The following SNAPC3 variants were observed in gnomAD, a reference collection of about 807,000 sequenced individuals.
SNAPC3 encodes the protein snRNA-activating protein complex subunit 3.
In SNAPC3, 56 loss-of-function variants were observed where a neutral mutation model predicts 47.7. That is an observed-to-expected ratio of 1.18 (90% confidence interval 0.95 to 1.47). The LOEUF (loss-of-function observed/expected upper bound fraction) is 1.47, where lower values mean the gene tolerates loss of function less well. Ranked by LOEUF, SNAPC3 falls within the 40% of genes most tolerant of loss-of-function variation. The pLI is 0.00. For missense variants in SNAPC3, 665 were observed against 511.3 expected (o/e 1.30, Z -2.90); for synonymous variants, 235 against 189.9 (o/e 1.24, Z -1.95).
At chr9:15,457,812 C>T in intron 7 of SNAPC3, 148 bp from the exon 8 acceptor site, 1 of 559,426 alleles carries the variant, frequency 1.8e-6, no homozygotes. Flanking sequence ...TGAAACATGG[C>T]ATAACAAGTA....
At chr9:15,424,573 T>G (rs2031084950) in intron 2 of SNAPC3, among the ~76,000 whole-genome samples, 1 of 152,222 alleles carries the variant, frequency 6.6e-6, no homozygotes, top group Non-Finnish European at 1.5e-5. Context: ...TTTAATTAAA[T>G]TCAATAGACA....
chr9:15,456,882 T>A (rs192694964), intron 7 of SNAPC3, among the ~76,000 whole-genome samples: 2 of 152,352 alleles, frequency 1.3e-5, no homozygotes, highest in East Asian at 3.9e-4. Context: ...TTCATTGCCA[T>A]TCCATAATAC....
chr9:15,461,021 G>A lies in SNAPC3; in HGVS notation c.*1155G>A, dbSNP rs1211436720. On this transcript the variant is annotated 3_prime_UTR_variant, in exon 9 of 9. Coordinates refer to ENST00000380821, the MANE Select transcript of SNAPC3 (RefSeq NM_001039697.2). ...CTTATTCTCCGGTAATGATACTATT[G>A]GATATATACCAAAATTATATAAGCA... The A allele has an allele frequency of 2.6e-5, 4 of 151,536 alleles. No individual in the cohort carries two copies. The East Asian group carries it at 7.7e-4, about 29-fold the overall frequency. The allele number at this position is 151,536 out of a possible 1,614,324, so 9.4% of individuals were successfully genotyped here. A position where few individuals can be genotyped will look rare whatever the true frequency, so the allele number is the denominator to read the frequency against.
chr9:15,430,728 C>T (rs1188707516), intron 2 of SNAPC3, among the ~76,000 whole-genome samples: 1 of 152,006 alleles, frequency 6.6e-6, no homozygotes, highest in African/African-American at 2.4e-5. Context: ...AATATACAGA[C>T]GTAGGAGAGG....
chr9:15,447,872 C>G (rs1213477289), intron 5 of SNAPC3, among the ~76,000 whole-genome samples: 2 of 152,180 alleles, frequency 1.3e-5, no homozygotes, highest in African/African-American at 2.4e-5. Flanking sequence ...CAATGTGTTG[C>G]TCTCAAAAGG....
chr9:15,453,196 C>G lies in SNAPC3; in HGVS notation c.971C>G (p.Thr324Ser). 3 of 1,610,136 alleles carry G rather than the reference C, an allele frequency of 1.9e-6. No individual in the cohort carries two copies. Among genetic ancestry groups the G allele is most frequent in the Non-Finnish European group, 2.5e-6 (3 of 1,177,368 alleles). Reference sequence around the variant, plus strand: ...GACTGTGAACATGTCATTGTCATTACTGACATAAGGTAGGTGACAGCACTT... The same window carrying G: ...GACTGTGAACATGTCATTGTCATTAGTGACATAAGGTAGGTGACAGCACTT... ...QGDCEHVIVI[T>S]DIRLVHHDDC... The change falls in exon 7 of 9, where the codon ACT becomes AGT. Residue 324 changes from threonine to serine, a missense_variant. By Grantham distance (58) the Thr-to-Ser change is moderately conservative. Transcript: ENST00000380821.
chr9:15,451,724 C>T (rs2034401806), intron 6 of SNAPC3, among the ~76,000 whole-genome samples: 4 of 151,950 alleles, frequency 2.6e-5, no homozygotes, highest in Admixed American at 2.0e-4. Flanking sequence ...ATAAATAAAT[C>T]ACCTTAACAT....
At chr9:15,437,564 GA>G (rs2131822822) in intron 3 of SNAPC3, among the ~76,000 whole-genome samples, 1 of 150,606 alleles carries the variant, frequency 6.6e-6, no homozygotes, top group Non-Finnish European at 1.5e-5. Context: ...TTTTTATCAT[GA>G]AAGGGTGTTA....
At chr9:15,439,757 C>G (rs994118646) in intron 3 of SNAPC3, among the ~76,000 whole-genome samples, 3 of 152,176 alleles carry the variant, frequency 2.0e-5, no homozygotes, top group African/African-American at 7.2e-5. Flanking sequence ...TAGTCTGGAA[C>G]TCCTAACCTC....
At chr9:15,452,655 A>G (rs2034479917) in intron 6 of SNAPC3, among the ~76,000 whole-genome samples, 5 of 152,244 alleles carry the variant, frequency 3.3e-5, no homozygotes, top group Admixed American at 3.3e-4. Flanking sequence ...GAAGACCCCA[A>G]TGAGCTACTG....
rs1490698707 is a variant in SNAPC3, at chr9:15,423,165, G to C, written c.286G>C (p.Ala96Pro). 6.3e-7 allele frequency: 1 copy of C among 1,574,814 alleles called. No individual in the cohort carries two copies. Among genetic ancestry groups the C allele is most frequent in the Non-Finnish European group, 8.5e-7 (1 of 1,169,818 alleles). Reference sequence around the variant, plus strand: ...CAGGGATCTGGACTGCAGCCTGGAGGCGGCGGCTGAGCTGAGGGCGGTGTG... The same window carrying C: ...CAGGGATCTGGACTGCAGCCTGGAGCCGGCGGCTGAGCTGAGGGCGGTGTG... The part of the protein sequence containing the change: ...VARDLDCSLE[A>P]AAELRAVCGL... Residue 96 changes from alanine (A) to proline (P), a missense_variant, in exon 1 of 9, where the codon GCG becomes CCG. Coordinates refer to ENST00000380821, the MANE Select transcript of SNAPC3 (RefSeq NM_001039697.2).
At position 15,423,202 on chromosome 9, in the gene SNAPC3, G is replaced by A; in HGVS notation, c.314+9G>A. ...CTGAGGGCGGTGTGCGGGTGAGTGC[G>A]GAGCAAAGGGGCTCTTGCAGCTTGG... On this transcript the variant is annotated intron_variant, in intron 1 of 8. Transcript: ENST00000380821. 5 of 1,570,822 alleles carry A rather than the reference G, an allele frequency of 3.2e-6. No individual in the cohort carries two copies. The highest frequency in any genetic ancestry group is 3.4e-6 in the Non-Finnish European group (4 of 1,167,860).
rs891861551 is a variant in SNAPC3 at position 15,461,616 on chromosome 9, C to G, written c.*1750C>G. On this transcript the variant is annotated 3_prime_UTR_variant, in exon 9 of 9. Transcript: ENST00000380821. ...CATCATTTAAAATAAATAAATTCCA[C>G]TTTCTCTCTCCTAGGTTGTATTTAA... 1.9e-4 allele frequency: 29 copies of G among 152,188 alleles called. No individual in the cohort carries two copies. 9.4% of individuals were successfully genotyped at this position (152,188 alleles called of 1,614,324 possible).
At chr9:15,455,477 G>T (rs2034707970) in intron 7 of SNAPC3, among the ~76,000 whole-genome samples, 2 of 152,064 alleles carry the variant, frequency 1.3e-5, no homozygotes, top group South Asian at 4.1e-4. Context: ...TGAGGCACGA[G>T]AATCACTTGA....
rs747317848 is a variant in SNAPC3, at chr9:15,423,051, G to T, written c.172G>T (p.Ala58Ser). The change falls in exon 1 of 9, where the codon GCC becomes TCC. Residue 58 changes from alanine (A) to serine (S), a missense_variant. Physicochemically the swap from Ala to Ser is moderately conservative, Grantham distance 99 (BLOSUM62 1). Transcript: ENST00000380821. ...GELWRGRLRG[A>S]GDLSLREPPA... ...GCTGTGGCGGGGCCGTCTGCGCGGG[G>T]CCGGGGACTTGTCGCTGAGGGAGCC... 1 of 1,518,154 alleles carries T rather than the reference G, an allele frequency of 6.6e-7. No homozygotes were observed. The highest frequency in any genetic ancestry group is 1.3e-5 in the South Asian group (1 of 78,726). The allele number at this position is 1,518,154 out of a possible 1,614,324, so 94.0% of individuals were successfully genotyped here.
intron 2 of SNAPC3, chr9:15,432,117 A>G (rs2032239712): frequency 6.6e-6 from 1 of 152,206 alleles, no homozygotes; most frequent in African/African-American, 2.4e-5. Flanking sequence ...AGAATTGAAC[A>G]AATCATAGGT....
intron 3 of SNAPC3, among the ~76,000 whole-genome samples, chr9:15,438,934 G>A (rs2033074503): frequency 6.6e-6 from 1 of 152,022 alleles, no homozygotes; most frequent in South Asian, 2.1e-4. Context: ...ATTGAAAGTG[G>A]GGTATTAAAG....
intron 3 of SNAPC3, among the ~76,000 whole-genome samples, chr9:15,435,871 T>G (rs1249556203): frequency 8.6e-6 from 1 of 115,672 alleles, no homozygotes; most frequent in East Asian, 2.5e-4. Flanking sequence ...GAGACAGAGT[T>G]TTGCTCTTGT....
At chr9:15,442,644 A>G (rs1203487509) in intron 3 of SNAPC3, among the ~76,000 whole-genome samples, 5 of 151,500 alleles carry the variant, frequency 3.3e-5, no homozygotes, top group Non-Finnish European at 5.9e-5. Context: ...CTCACTTCCT[A>G]GACGAGATGG....
Sources: allele counts gnomAD v4.1 joint callset (sites outside exome capture counted in the v4.1 genomes callset), GRCh38; gene constraint gnomAD v4.1.1; transcripts MANE v1.5; gene names NCBI Gene and HGNC (gene_info 2026-07-23, HGNC 2026-07-21).